ATAD3B: variants seen among roughly 807,000 people sequenced by gnomAD.
ATAD3B encodes ATPase family AAA domain-containing protein 3B.
Under a neutral mutation model 70.2 loss-of-function variants are expected in ATAD3B, and 59 were observed. The observed-to-expected ratio is 0.84, with a 90% confidence interval of 0.68 to 1.04. The LOEUF (loss-of-function observed/expected upper bound fraction) is 1.04, where lower values mean the gene tolerates loss of function less well. Ranked by LOEUF, ATAD3B falls within the 50% of genes least tolerant of loss-of-function variation. The pLI is 0.00. For synonymous variants in ATAD3B, 423 were observed against 388.6 expected (o/e 1.09, Z -1.04); for missense variants, 961 against 913.4 (o/e 1.05, Z -0.67).
Position 1,495,598 on chromosome 1 carries a change from G to A in ATAD3B, c.1728G>A (p.Gly576=). Residue 576 remains glycine, a synonymous_variant, in exon 16 of 16, where the codon GGG becomes GGA. Coordinates refer to ENST00000673477, the MANE Select transcript of ATAD3B (RefSeq NM_031921.6). ...AGATGCGCTGGCTGAAGGCGGAGGG[G>A]CCTGGGCGCGGGGTCGAGCACCCCC... ...RQKMRWLKAE[G]PGRGVEHPLS... 6.2e-7 allele frequency: 1 copy of A among 1,613,136 alleles called. No individual in the cohort carries two copies. The highest frequency in any genetic ancestry group is 8.5e-7 in the Non-Finnish European group (1 of 1,179,498).
At chr1:1,475,496 C>A (rs1639546099) in intron 1 of ATAD3B, among the ~76,000 whole-genome samples, 1 of 151,916 alleles carries the variant, frequency 6.6e-6, no homozygotes, top group Non-Finnish European at 1.5e-5. Flanking sequence ...TTGCTGCTCT[C>A]CAGGCAAACG....
At chr1:1,505,455 G>A in the ATAD3B span, among the ~76,000 whole-genome samples, 1 of 152,204 alleles carries the variant, frequency 6.6e-6, no homozygotes, top group African/African-American at 2.4e-5. Flanking sequence ...GGATAACTGT[G>A]GGCGGGCCTG....
rs767222931 is a variant in ATAD3B, at chr1:1,479,073, G to A, written c.409G>A (p.Ala137Thr). Residue 137 changes from alanine (A) to threonine (T), a missense_variant, in exon 4 of 16, where the codon GCC becomes ACC. By Grantham distance (58) the Ala-to-Thr change is moderately conservative (BLOSUM62 0). Around this residue, in one of 4 missense-constraint regions of ATAD3B, gnomAD observed 187 missense variants for 244.3 expected, o/e 0.77. Coordinates refer to ENST00000673477, the MANE Select transcript of ATAD3B (RefSeq NM_031921.6). ...QARAQYQDKLARQRYEDQLKQ... is the reference protein window; with the variant it reads ...QARAQYQDKLTRQRYEDQLKQ... The stretch of plus-strand genomic sequence containing the variant: ...GAGGGCCCAGTATCAAGACAAGCTG[G>A]CCCGGCAGCGCTACGAGGACCAACT... 3 of 1,314,860 alleles carry A rather than the reference G, an allele frequency of 2.3e-6. No homozygotes were observed. In the South Asian group the frequency reaches 4.1e-5, roughly 18 times the overall value. 81.4% of individuals were successfully genotyped at this position (1,314,860 alleles called of 1,614,324 possible). A position where few individuals can be genotyped will look rare whatever the true frequency, so the allele number is the denominator to read the frequency against.
downstream of ATAD3B, among the ~76,000 whole-genome samples, chr1:1,499,072 C>A (rs1640882270): frequency 6.6e-6 from 1 of 151,216 alleles, no homozygotes; most frequent in South Asian, 2.1e-4. Context: ...CCCGGGTTCA[C>A]GCCATTCTCC....
At chr1:1,480,694 T>C (rs1253545634) in intron 4 of ATAD3B, among the ~76,000 whole-genome samples, 173 bp from the exon 5 acceptor site, 1 of 147,294 alleles carries the variant, frequency 6.8e-6, no homozygotes, top group Non-Finnish European at 1.5e-5. Flanking sequence ...CCTCAGTGAC[T>C]GCCGTCCCAG....
chr1:1,483,046 G>A (rs991754583), intron 7 of ATAD3B: 1 of 455,824 alleles, frequency 2.2e-6, no homozygotes, highest in South Asian at 1.6e-5. Context: ...TGTAATCCCA[G>A]CATTTTCGGA....
In ATAD3B at chr1:1,472,006, C is replaced by T; in HGVS notation, c.122C>T (p.Pro41Leu). Residue 41 changes from proline (P) to leucine (L), a missense_variant, in exon 1 of 16, where the codon CCG becomes CTG. Transcript: ENST00000673477. ...GGGGACCGCGGTTTGGGAGACCGGC[C>T]GGCGCCCAAGGACAAATGGAGCAAC... ...GGGDRGLGDR[P>L]APKDKWSNFD... 2.4e-6 allele frequency: 3 copies of T among 1,238,568 alleles called. No homozygotes were observed. The highest frequency in any genetic ancestry group is 3.4e-5 in the East Asian group (1 of 29,400). 76.7% of individuals were successfully genotyped at this position (1,238,568 alleles called of 1,614,324 possible).
chr1:1,501,601 G>A (rs1475600922), downstream of ATAD3B, among the ~76,000 whole-genome samples: 3 of 151,934 alleles, frequency 2.0e-5, no homozygotes. Context: ...ATGTTGACCA[G>A]GCTGCTCCTG....
intron 1 of ATAD3B, among the ~76,000 whole-genome samples, chr1:1,474,506 CTG>C (rs943076801): frequency 2.0e-5 from 3 of 148,364 alleles, no homozygotes; most frequent in South Asian, 4.3e-4. Flanking sequence ...CGTAATTTTT[CTG>C]TGTGTTTTTG....
intron 12 of ATAD3B, 42 bp downstream of exon 12, chr1:1,487,956 C>A: frequency 6.2e-7 from 1 of 1,608,840 alleles, no homozygotes; most frequent in Non-Finnish European, 8.5e-7. Context: ...GGAGGGTGGT[C>A]GGGTGGGCGC....
rs1640219567 is a variant in ATAD3B, at chr1:1,486,415, T to A, written c.1090-129T>A. On this transcript the variant is annotated intron_variant, in intron 10 of 15. Transcript: ENST00000673477. ...TCCCATCTTCCAGGCGGGGGACGTC[T>A]CCTGTCTGGCAGGCTGTGGCTTCCA... is the stretch of plus-strand genomic sequence containing the variant. 1.9e-6 allele frequency: 3 copies of A among 1,598,334 alleles called. No individual in the cohort carries two copies. The East Asian group carries it at 6.7e-5, about 36-fold the overall frequency.
the ATAD3B span, among the ~76,000 whole-genome samples, chr1:1,502,853 C>T: frequency 2.6e-5 from 4 of 151,428 alleles, no homozygotes; most frequent in South Asian, 2.1e-4. Context: ...TGTTGAAAAC[C>T]TTGCGAGTTT....
At chr1:1,477,720 T>C (rs1639667195) in intron 2 of ATAD3B, among the ~76,000 whole-genome samples, 1 of 151,608 alleles carries the variant, frequency 6.6e-6, no homozygotes, top group Non-Finnish European at 1.5e-5. Flanking sequence ...TTATTTTATT[T>C]ATTTTGAAAC....
rs1005171802 is a variant in ATAD3B, at chr1:1,471,770, G to T, written c.-115G>T. 7 of 1,204,184 alleles carry T rather than the reference G, an allele frequency of 5.8e-6. No individual in the cohort carries two copies. In the African/African-American group the frequency reaches 9.5e-5, roughly 16 times the overall value. 74.6% of individuals were successfully genotyped at this position (1,204,184 alleles called of 1,614,324 possible). ...GCCGGGAGGAAGGGGTGTGTGTTTC[G>T]CCTGCGCAGTGGTCCTGGCCACCGG... On this transcript the variant is annotated 5_prime_UTR_variant, in exon 1 of 16. Coordinates refer to ENST00000673477, the MANE Select transcript of ATAD3B (RefSeq NM_031921.6).
In ATAD3B at chr1:1,485,042, C is replaced by T. The variant is rs766091128; in HGVS notation, c.777C>T (p.Val259=). ...ATVAGLTLLA[V]GVYSAKNATA... is the part of the protein sequence containing the mutation. Reference sequence around the variant, plus strand: ...TGGCTGGGCTGACGCTGCTGGCTGTCGGGGTCTACTCAGCCAAGAATGCGA... The same window carrying T: ...TGGCTGGGCTGACGCTGCTGGCTGTTGGGGTCTACTCAGCCAAGAATGCGA... Residue 259 remains valine (V), a synonymous_variant, in exon 8 of 16, where the codon GTC becomes GTT. Coordinates refer to ENST00000673477, the MANE Select transcript of ATAD3B (RefSeq NM_031921.6). 1.1e-4 allele frequency: 178 copies of T among 1,601,526 alleles called. No individual in the cohort carries two copies. Among genetic ancestry groups the T allele is most frequent in the African/African-American group, 4.4e-4 (33 of 74,596 alleles).
Position 1,486,374 on chromosome 1 carries a change from T to G in ATAD3B, c.1089+139T>G, listed in dbSNP as rs2100573584. The G allele has an allele frequency of 3.8e-6, 6 of 1,575,568 alleles. No individual in the cohort carries two copies. In the East Asian group the frequency reaches 9.0e-5, roughly 24 times the overall value. ...CCCTCGTGTAGGCTCAGGGTGCTGG[T>G]GTGGGCAGCAGCGCCTCCCATCTTC... On this transcript the variant is annotated intron_variant, in intron 10 of 15. Coordinates refer to ENST00000673477, the MANE Select transcript of ATAD3B (RefSeq NM_031921.6).
chr1:1,474,422 C>T (rs1264695125), intron 1 of ATAD3B, among the ~76,000 whole-genome samples: 4 of 151,608 alleles, frequency 2.6e-5, no homozygotes, highest in South Asian at 2.1e-4. Flanking sequence ...GATCTCCTGA[C>T]CCCGTGATCC....
chr1:1,474,523 T>TG (rs1266130714), intron 1 of ATAD3B, among the ~76,000 whole-genome samples: 1 of 147,124 alleles, frequency 6.8e-6, no homozygotes, highest in Non-Finnish European at 1.5e-5. Context: ...TTTTTGAGAC[T>TG]GAGTCTGGCT....
At position 1,496,051 on chromosome 1, in the gene ATAD3B, C is replaced by T; in HGVS notation, c.*234C>T. The T allele has an allele frequency of 7.7e-7, 1 of 1,304,284 alleles. No individual in the cohort carries two copies. The highest frequency in any genetic ancestry group is 9.8e-7 in the Non-Finnish European group (1 of 1,025,534). 80.8% of individuals were successfully genotyped at this position (1,304,284 alleles called of 1,614,324 possible). ...TGAGGGGGGGCCTGCCAGGACTAGACAGAAGTGGGGCGGCCTGAACCCTGC... is the reference window on the plus strand; with the variant it reads ...TGAGGGGGGGCCTGCCAGGACTAGATAGAAGTGGGGCGGCCTGAACCCTGC... On this transcript the variant is annotated 3_prime_UTR_variant, in exon 16 of 16. Transcript: ENST00000673477.
Sources: gnomAD v4.1 joint callset for allele counts (sites outside exome capture counted in the v4.1 genomes callset) on GRCh38, gnomAD v4.1.1 for gene constraint, gnomAD v4.1.1 regional missense constraint, MANE v1.5 for transcripts, NCBI Gene and HGNC (gene_info 2026-07-23, HGNC 2026-07-21) for gene names.